Variants in MYOZ2 observed in about 807,000 individuals in gnomAD.
The protein encoded by MYOZ2 is myozenin-2.
A neutral mutation model predicts 25.4 loss-of-function variants in MYOZ2; 19 were observed. The ratio of observed to expected loss-of-function variants is 0.75; its 90% CI spans 0.52 to 1.10. MYOZ2 has a LOEUF of 1.10. Ranked by LOEUF, MYOZ2 falls within the 50% of genes least tolerant of loss-of-function variation. The probability of loss-of-function intolerance (pLI) is 0.00; values close to 1 mark genes in which losing one functional copy is unlikely to be tolerated. For missense variants in MYOZ2, 270 were observed against 317.9 expected, an observed-to-expected ratio of 0.85 and a Z score of 1.15; for synonymous variants, 92 against 106.9, an observed-to-expected ratio of 0.86 and a Z score of 0.86.
At chr4:119,136,684 T>G (rs998633503) in intron 2 of MYOZ2, 83 bp downstream of exon 2, 1 of 1,377,642 alleles carries the variant, frequency 7.3e-7, no homozygotes, top group Admixed American at 1.8e-5. Flanking sequence ...ATTCCATAGT[T>G]TACTTCCTTT....
chr4:119,146,920 A>G (rs181722187), intron 2 of MYOZ2, among the ~76,000 whole-genome samples: 4 of 151,792 alleles, frequency 2.6e-5, no homozygotes, highest in African/African-American at 9.7e-5. Context: ...TACATTTGGG[A>G]TTTCTAGGCA....
chr4:119,153,421 T>C (rs4352459), intron 3 of MYOZ2, among the ~76,000 whole-genome samples: 146,949 of 152,220 alleles, frequency 0.97, 70,958 homozygotes, highest in East Asian at 0.99. Context: ...TAAATACAGG[T>C]TTCATCTAGT....
intron 5 of MYOZ2, among the ~76,000 whole-genome samples, chr4:119,168,015 C>T (rs950182720): frequency 6.6e-6 from 1 of 152,232 alleles, no homozygotes; most frequent in Non-Finnish European, 1.5e-5. Context: ...CTCTGTCACC[C>T]AGGCTGGAGT....
At chr4:119,175,674 C>T (rs1742055081) in intron 5 of MYOZ2, among the ~76,000 whole-genome samples, 1 of 151,888 alleles carries the variant, frequency 6.6e-6, no homozygotes, top group East Asian at 1.9e-4. Flanking sequence ...CTGGTTTGAA[C>T]CCAGGAGACA....
intron 5 of MYOZ2, among the ~76,000 whole-genome samples, chr4:119,174,707 G>C (rs900113012): frequency 7.9e-5 from 12 of 152,182 alleles, no homozygotes; most frequent in African/African-American, 1.9e-4. Flanking sequence ...CCAGACAAGA[G>C]AATAAAAGCA....
At chr4:119,169,063 C>T (rs1461728273) in intron 5 of MYOZ2, among the ~76,000 whole-genome samples, 3 of 152,006 alleles carry the variant, frequency 2.0e-5, no homozygotes, top group African/African-American at 7.2e-5. Flanking sequence ...CCTGATCAGT[C>T]GGCAGCTATC....
At chr4:119,183,578 C>T (rs1423379399) in intron 5 of MYOZ2, among the ~76,000 whole-genome samples, 1 of 152,178 alleles carries the variant, frequency 6.6e-6, no homozygotes, top group Non-Finnish European at 1.5e-5. Flanking sequence ...CACACCAACT[C>T]TGTTCTTTTC....
intron 4 of MYOZ2, among the ~76,000 whole-genome samples, chr4:119,160,841 A>G (rs148806833): frequency 6.6e-6 from 1 of 151,964 alleles, no homozygotes; most frequent in Non-Finnish European, 1.5e-5. Context: ...CCATCATCTC[A>G]AATATTTATT....
Position 119,137,235 on chromosome 4 carries a change from A to G in MYOZ2, c.76+634A>G, listed in dbSNP as rs141918122. On this transcript the variant is annotated intron_variant, in intron 2 of 5. Transcript: ENST00000307128. ...AAAATTTTAATATATATTACGTGCA[A>G]GGTAATATTTCACTCTCTCCTTTTC... 2.6e-3 allele frequency among the ~76,000 whole-genome samples: 398 copies of G among 152,282 alleles called. 1 individual carries two copies. The highest frequency in any genetic ancestry group is 8.7e-3 in the African/African-American group (361 of 41,564).
At chr4:119,176,079 T>A (rs1001527883) in intron 5 of MYOZ2, among the ~76,000 whole-genome samples, 1 of 152,190 alleles carries the variant, frequency 6.6e-6, no homozygotes, top group African/African-American at 2.4e-5. Context: ...TTGTATTTTT[T>A]CCTCATGTTT....
intron 4 of MYOZ2, among the ~76,000 whole-genome samples, chr4:119,160,193 A>G (rs188120978): frequency 2.6e-5 from 4 of 152,312 alleles, no homozygotes; most frequent in Admixed American, 2.6e-4. Context: ...TCCCTAACAT[A>G]TAATAAGCAC....
intron 5 of MYOZ2, among the ~76,000 whole-genome samples, chr4:119,175,425 T>G (rs376273540): frequency 6.6e-6 from 1 of 152,180 alleles, no homozygotes; most frequent in Non-Finnish European, 1.5e-5. Context: ...CTAGAAATGT[T>G]CAATTGTAAT....
intron 3 of MYOZ2, among the ~76,000 whole-genome samples, chr4:119,154,286 G>A (rs1741521542): frequency 1.3e-5 from 2 of 152,094 alleles, no homozygotes; most frequent in South Asian, 2.1e-4. Context: ...TATAGGATAT[G>A]GCTCTAGTTT....
At chr4:119,162,391 A>C (rs1487336065) in intron 4 of MYOZ2, among the ~76,000 whole-genome samples, 1 of 152,170 alleles carries the variant, frequency 6.6e-6, no homozygotes, top group Admixed American at 6.5e-5. Context: ...CTGGCCAGTT[A>C]GGAAGGTCTC....
At chr4:119,180,668 C>T (rs1742169890) in intron 5 of MYOZ2, among the ~76,000 whole-genome samples, 1 of 152,138 alleles carries the variant, frequency 6.6e-6, no homozygotes, top group Non-Finnish European at 1.5e-5. Context: ...ATTCTCTTGC[C>T]TCAGCCTCCT....
intron 4 of MYOZ2, among the ~76,000 whole-genome samples, chr4:119,160,730 T>C (rs917207149): frequency 3.3e-5 from 5 of 152,076 alleles, no homozygotes; most frequent in Non-Finnish European, 7.4e-5. Context: ...CTCAAAGATG[T>C]ACCTCCAACG....
rs368944690 is a variant in MYOZ2, at chr4:119,146,846, C to T, written c.77-4026C>T. Among the ~76,000 whole-genome samples, 15 of 152,196 alleles carry T rather than the reference C, an allele frequency of 9.9e-5. No homozygotes were observed. The East Asian group carries it at 2.7e-3, about 27-fold the overall frequency. ...TTTCCAACTATAATTGTAGATTTGT[C>T]TATTTCTCCTTTTAGTTCTACTTTT... On this transcript the variant is annotated intron_variant, in intron 2 of 5. Coordinates refer to ENST00000307128, the MANE Select transcript of MYOZ2 (RefSeq NM_016599.5).
At position 119,172,753 on chromosome 4, in the gene MYOZ2, C is replaced by A. The variant is rs925748690; in HGVS notation, c.560+8359C>A. Among the ~76,000 whole-genome samples the A allele has an allele frequency of 2.0e-5, 3 of 152,172 alleles. No individual in the cohort carries two copies. The South Asian group carries it at 6.2e-4, about 31-fold the overall frequency. ...TGTTTTGGGAAAGGGCTGTTACCGC[C>A]ATTGTTTCGAAGTTAAACCATAAAT... On this transcript the variant is annotated intron_variant, in intron 5 of 5. Transcript: ENST00000307128.
intron 2 of MYOZ2, among the ~76,000 whole-genome samples, chr4:119,147,474 C>A (rs1421412813): frequency 2.6e-5 from 4 of 152,074 alleles, no homozygotes; most frequent in Admixed American, 6.5e-5. Flanking sequence ...GGCACGGTGG[C>A]TCATGCCTGT....
Sources: allele counts gnomAD v4.1 joint callset (sites outside exome capture counted in the v4.1 genomes callset), GRCh38; gene constraint gnomAD v4.1.1; transcripts MANE v1.5; gene names NCBI Gene and HGNC (gene_info 2026-07-23, HGNC 2026-07-21).